The following ELMO1 variants were observed in gnomAD, a reference collection of about 807,000 sequenced individuals.
ELMO1 encodes engulfment and cell motility protein 1.
Under a neutral mutation model 98.9 loss-of-function variants are expected in ELMO1, and 26 were observed. The observed-to-expected ratio is 0.26, with a 90% confidence interval of 0.19 to 0.36. The LOEUF is 0.36. Ranked by LOEUF, ELMO1 falls within the 10% of genes least tolerant of loss-of-function variation. ELMO1 has a pLI of 1.00. For synonymous variants in ELMO1, 346 were observed against 346.0 expected, an observed-to-expected ratio of 1.00 and a Z score of 0.00; for missense variants, 627 against 935.2, an observed-to-expected ratio of 0.67 and a Z score of 4.30.
chr7:37,205,887 C>T (rs1048504142), intron 13 of ELMO1, among the ~76,000 whole-genome samples: 4 of 152,096 alleles, frequency 2.6e-5, no homozygotes, highest in Non-Finnish European at 5.9e-5. Context: ...ATTGCAAAGC[C>T]CTTTGAATTT....
At chr7:37,368,633 G>A (rs901190910) in intron 1 of ELMO1, among the ~76,000 whole-genome samples, 3 of 152,142 alleles carry the variant, frequency 2.0e-5, no homozygotes, top group Admixed American at 6.5e-5. Context: ...AGGAAAAGAA[G>A]ATCACCACAT....
chr7:36,990,484 C>G (rs1362089702), intron 16 of ELMO1, among the ~76,000 whole-genome samples: 1 of 152,146 alleles, frequency 6.6e-6, no homozygotes, highest in South Asian at 2.1e-4. Context: ...AAGGGAATCA[C>G]AGTATCAAAT....
intron 20 of ELMO1, among the ~76,000 whole-genome samples, chr7:36,869,616 A>G (rs1164196914): frequency 1.4e-4 from 21 of 152,202 alleles, no homozygotes; most frequent in Admixed American, 1.4e-3. Flanking sequence ...CATGAATGGT[A>G]TAGATCACAA....
intron 4 of ELMO1, among the ~76,000 whole-genome samples, chr7:37,281,379 G>A (rs1397647706): frequency 1.3e-5 from 2 of 152,030 alleles, no homozygotes; most frequent in African/African-American, 2.4e-5. Context: ...AATAACTTAT[G>A]GGAAATAAAG....
chr7:37,314,225 A>G (rs1799033684), intron 4 of ELMO1, among the ~76,000 whole-genome samples: 1 of 152,206 alleles, frequency 6.6e-6, no homozygotes, highest in African/African-American at 2.4e-5. Flanking sequence ...AACAGATGTA[A>G]TGTGCATGGC....
intron 14 of ELMO1, among the ~76,000 whole-genome samples, chr7:37,123,575 A>C (rs1786255195): frequency 6.6e-6 from 1 of 152,256 alleles, no homozygotes; most frequent in Non-Finnish European, 1.5e-5. Flanking sequence ...CACCCTCCCA[A>C]GACTAAACCA....
At chr7:37,008,827 G>A (rs1347798667) in intron 16 of ELMO1, among the ~76,000 whole-genome samples, 2 of 152,184 alleles carry the variant, frequency 1.3e-5, no homozygotes, top group Admixed American at 6.5e-5. Context: ...TATCACATGT[G>A]TTAATGATGG....
At chr7:37,390,733 A>ACTTATAGGTG (rs1803033238) in intron 1 of ELMO1, among the ~76,000 whole-genome samples, 1 of 152,124 alleles carries the variant, frequency 6.6e-6, no homozygotes, top group Non-Finnish European at 1.5e-5. Flanking sequence ...GCTCTTTGAG[A>ACTTATAGGTG]CTTATAGGTG....
intron 14 of ELMO1, among the ~76,000 whole-genome samples, chr7:37,129,358 G>A (rs962221464): frequency 6.6e-6 from 1 of 152,208 alleles, no homozygotes; most frequent in African/African-American, 2.4e-5. Flanking sequence ...ACAGAAGAAT[G>A]AATTGGAGGG....
At chr7:37,343,336 C>A (rs968410326) in intron 1 of ELMO1, among the ~76,000 whole-genome samples, 17 of 151,096 alleles carry the variant, frequency 1.1e-4, no homozygotes, top group Admixed American at 3.3e-4. Flanking sequence ...AATGCACCTT[C>A]GGTGGGGGGT....
chr7:37,134,527 C>G (rs1252196040), intron 13 of ELMO1, among the ~76,000 whole-genome samples: 1 of 149,594 alleles, frequency 6.7e-6, no homozygotes, highest in Admixed American at 6.7e-5. Flanking sequence ...CCATTGCACT[C>G]CAGCCTGGGC....
At chr7:37,441,663 G>A (rs928277597) in intron 1 of ELMO1, among the ~76,000 whole-genome samples, 1 of 152,180 alleles carries the variant, frequency 6.6e-6, no homozygotes, top group Non-Finnish European at 1.5e-5. Flanking sequence ...TTATGTAAAG[G>A]TTACAGTTAA....
chr7:37,409,011 A>G (rs533679834), intron 1 of ELMO1, among the ~76,000 whole-genome samples: 96 of 152,286 alleles, frequency 6.3e-4, no homozygotes, highest in African/African-American at 2.3e-3. Context: ...ACATCGGGCC[A>G]TGGCACCGAA....
intron 13 of ELMO1, among the ~76,000 whole-genome samples, chr7:37,192,043 CAGA>C (rs1430786976): frequency 1.3e-5 from 2 of 152,184 alleles, no homozygotes; most frequent in African/African-American, 4.8e-5. Context: ...ACAGAGTTCA[CAGA>C]AGAAGAAGAA....
intron 13 of ELMO1, among the ~76,000 whole-genome samples, chr7:37,207,082 C>T (rs111631076): frequency 4.6e-5 from 7 of 152,320 alleles, no homozygotes; most frequent in African/African-American, 1.7e-4. Flanking sequence ...AGGAACACAA[C>T]ACTTTGCAGA....
intron 15 of ELMO1, among the ~76,000 whole-genome samples, chr7:37,092,667 A>G (rs1054578583): frequency 1.3e-4 from 20 of 152,080 alleles, no homozygotes; most frequent in African/African-American, 4.1e-4. Flanking sequence ...GAGCCAACAC[A>G]TCCGGCCCTA....
rs1026329152 is a variant in ELMO1 at position 37,013,234 on chromosome 7, G to C, written c.1437+65C>G. 1.9e-6 allele frequency: 3 copies of C among 1,591,942 alleles called. No individual in the cohort carries two copies. In the East Asian group the frequency reaches 6.8e-5, roughly 36 times the overall value. On this transcript the variant is annotated intron_variant, in intron 16 of 21. Coordinates refer to ENST00000310758, the MANE Select transcript of ELMO1 (RefSeq NM_014800.11). Reference sequence around the variant, plus strand: ...CAATTGCCTTCTGCACACAGCCAAGGGACCATGCAGCAGGCCCCTTTAGCG... The same window carrying C: ...CAATTGCCTTCTGCACACAGCCAAGCGACCATGCAGCAGGCCCCTTTAGCG...
At chr7:37,318,613 G>A (rs1160343607) in intron 2 of ELMO1, among the ~76,000 whole-genome samples, 1 of 152,122 alleles carries the variant, frequency 6.6e-6, no homozygotes, top group African/African-American at 2.4e-5. Context: ...AAGGAATAAA[G>A]ACCACAGATG....
rs569351292 is a variant in ELMO1 at position 37,254,469 on chromosome 7, A to G, written c.413+4712T>C. ...CATTAGGTGATTCTGTTGTGTGAACATCGTAGAGTGTACTTACACAAACAT... is the reference window on the plus strand; with the variant it reads ...CATTAGGTGATTCTGTTGTGTGAACGTCGTAGAGTGTACTTACACAAACAT... On this transcript the variant is annotated intron_variant, in intron 6 of 21. Transcript: ENST00000310758. 5.6e-4 allele frequency among the ~76,000 whole-genome samples: 86 copies of G among 152,346 alleles called. 1 individual carries two copies. The highest frequency in any genetic ancestry group is 2.0e-3 in the African/African-American group (82 of 41,580).
Sources: allele counts gnomAD v4.1 joint callset (sites outside exome capture counted in the v4.1 genomes callset), GRCh38; gene constraint gnomAD v4.1.1; transcripts MANE v1.5; gene names NCBI Gene and HGNC (gene_info 2026-07-23, HGNC 2026-07-21).